Variants in UNC45B observed in about 807,000 individuals in gnomAD.
The protein encoded by UNC45B is protein unc-45 homolog B.
Under a neutral mutation model 98.7 loss-of-function variants are expected in UNC45B, and 78 were observed. That is an observed-to-expected ratio of 0.79 (90% CI 0.66 to 0.95). The LOEUF (loss-of-function observed/expected upper bound fraction) is 0.95, where lower values mean the gene tolerates loss of function less well. Ranked by LOEUF, UNC45B falls within the 40% of genes least tolerant of loss-of-function variation. The pLI is 0.00. For missense variants in UNC45B, 1,225 were observed against 1,184.9 expected (o/e 1.03, Z -0.50); for synonymous variants, 462 against 480.4 (o/e 0.96, Z 0.50).
chr17:35,176,980 G>A (rs1181066854), intron 15 of UNC45B, 37 bp from the exon 16 acceptor site: 6 of 1,552,520 alleles, frequency 3.9e-6, no homozygotes, highest in East Asian at 4.5e-5. Context: ...GCCTCTGGAT[G>A]TCTGTGACTA....
At chr17:35,176,105 C>A in intron 15 of UNC45B, 71 bp downstream of exon 15, 1 of 1,488,332 alleles carries the variant, frequency 6.7e-7, no homozygotes, top group South Asian at 1.1e-5. Context: ...AATTATGTAC[C>A]CTCTGCCCCA....
At chr17:35,173,370 C>T (rs776268904) in intron 13 of UNC45B, among the ~76,000 whole-genome samples, 7 of 152,210 alleles carry the variant, frequency 4.6e-5, no homozygotes, top group South Asian at 2.1e-4. Context: ...AAGTGGTCCA[C>T]CCACCTCAGC....
intron 10 of UNC45B, 68 bp from the exon 11 acceptor site, chr17:35,169,769 C>A: frequency 7.0e-7 from 1 of 1,423,110 alleles, no homozygotes; most frequent in Non-Finnish European, 9.9e-7. Context: ...CCTGTTTGAG[C>A]AAGGCTTCAT....
chr17:35,179,961 G>A (rs573169728), intron 17 of UNC45B, among the ~76,000 whole-genome samples: 1 of 152,252 alleles, frequency 6.6e-6, no homozygotes, highest in South Asian at 2.1e-4. Flanking sequence ...TTTGGAAGCA[G>A]GAGTATGTCA....
At chr17:35,179,749 TG>T (rs2092260783) in intron 17 of UNC45B, among the ~76,000 whole-genome samples, 1 of 142,804 alleles carries the variant, frequency 7.0e-6, no homozygotes, top group African/African-American at 2.6e-5. Context: ...CGGGGCCTGT[TG>T]GGGGTGGGGA....
rs530092827 is a variant in UNC45B, at chr17:35,180,731, G to A, written c.2373+55G>A. 62 of 1,431,204 alleles carry A rather than the reference G, an allele frequency of 4.3e-5. No individual in the cohort carries two copies. The East Asian group carries it at 1.0e-3, about 23-fold the overall frequency. 88.7% of individuals were successfully genotyped at this position (1,431,204 alleles called of 1,614,324 possible). ...GGCGTGATCAAGGCACGAGAGGCAGGCCAGGGTCAGGGCCTGGGGTGAGAT... is the reference window on the plus strand; with the variant it reads ...GGCGTGATCAAGGCACGAGAGGCAGACCAGGGTCAGGGCCTGGGGTGAGAT... On this transcript the variant is annotated intron_variant, in intron 18 of 19. Coordinates refer to ENST00000394570, the MANE Select transcript of UNC45B (RefSeq NM_001267052.2).
rs7219523 is a variant in UNC45B at position 35,171,788 on chromosome 17, C to T, written c.1830+326C>T. 6.5e-3 allele frequency among the ~76,000 whole-genome samples: 997 copies of T among 152,238 alleles called. 11 individuals are homozygous for T. The highest frequency in any genetic ancestry group is 0.023 in the African/African-American group (959 of 41,552). ...TTTATTTCATGTCTCCAACAGATAA[C>T]AATTTGATTTTCTCAGATTTCTGGA... On this transcript the variant is annotated intron_variant, in intron 13 of 19. Coordinates refer to ENST00000394570, the MANE Select transcript of UNC45B (RefSeq NM_001267052.2).
At chr17:35,149,746 C>T (rs1252933972) in intron 3 of UNC45B, among the ~76,000 whole-genome samples, 1 of 152,170 alleles carries the variant, frequency 6.6e-6, no homozygotes, top group Non-Finnish European at 1.5e-5. Flanking sequence ...AGGGAGCTCC[C>T]CACTGCTGGA....
intron 7 of UNC45B, among the ~76,000 whole-genome samples, chr17:35,157,484 G>T (rs902855608): frequency 4.6e-5 from 7 of 152,122 alleles, no homozygotes; most frequent in African/African-American, 1.2e-4. Context: ...TTACAGGTGT[G>T]AGCCACCATA....
intron 8 of UNC45B, 50 bp downstream of exon 8, chr17:35,159,595 C>G: frequency 6.3e-7 from 1 of 1,581,052 alleles, no homozygotes; most frequent in Non-Finnish European, 8.6e-7. Flanking sequence ...TAAGTGGGCA[C>G]CAGGGCACTG....
Position 35,155,323 on chromosome 17 carries a change from A to T in UNC45B, c.667A>T (p.Ile223Leu). ...RATVILHAVRIDRICSLMAVE... is the reference protein window; with the variant it reads ...RATVILHAVRLDRICSLMAVE... ...CACAGTGATTCTGCATGCAGTGCGG[A>T]TAGACCGAATCTGTAGCCTCATGGC... The change falls in exon 7 of 20, where the codon ATA becomes TTA. Residue 223 changes from isoleucine to leucine, a missense_variant. Transcript: ENST00000394570. The T allele has an allele frequency of 6.2e-7, 1 of 1,614,144 alleles. No individual in the cohort carries two copies. Among genetic ancestry groups the T allele is most frequent in the South Asian group, 1.1e-5 (1 of 91,072 alleles).
intron 10 of UNC45B, 130 bp from the exon 11 acceptor site, chr17:35,169,707 C>T (rs1020295006): frequency 5.4e-6 from 4 of 744,012 alleles, no homozygotes; most frequent in Non-Finnish European, 7.0e-6. Flanking sequence ...ACAGTCTGCA[C>T]AGAGGTGGAT....
intron 4 of UNC45B, among the ~76,000 whole-genome samples, chr17:35,152,410 G>A (rs966691374): frequency 6.6e-6 from 1 of 152,158 alleles, no homozygotes; most frequent in Non-Finnish European, 1.5e-5. Context: ...TTGGAGTGGG[G>A]ACTGTGAGGG....
At chr17:35,168,797 C>T (rs1343542105) in intron 10 of UNC45B, among the ~76,000 whole-genome samples, 2 of 152,136 alleles carry the variant, frequency 1.3e-5, no homozygotes. Context: ...ACCTCCGCCT[C>T]CCAGGTTCAG....
intron 8 of UNC45B, among the ~76,000 whole-genome samples, chr17:35,161,686 A>G (rs1455483122): frequency 6.6e-6 from 1 of 152,170 alleles, no homozygotes; most frequent in African/African-American, 2.4e-5. Flanking sequence ...AGTGATAAGT[A>G]TCTTTTTGTA....
In UNC45B at chr17:35,154,656, T is replaced by C. The variant is rs941020747; in HGVS notation, c.554T>C (p.Leu185Pro). The change falls in exon 6 of 20, where the codon CTG becomes CCG. Residue 185 changes from leucine to proline, a missense_variant. Physicochemically the swap from Leu to Pro is moderately conservative, Grantham distance 98 (BLOSUM62 -3). Transcript: ENST00000394570. Reference protein sequence around the residue: ...IFQNNGVALLLQLLDTKKPEL... With the variant: ...IFQNNGVALLPQLLDTKKPEL... ...CAGAACAATGGAGTAGCCTTGCTAC[T>C]GCAGCTTCTGGACACTAAGAAGCCT... The C allele has an allele frequency of 4.3e-6, 7 of 1,613,330 alleles. No individual in the cohort carries two copies. In the African/African-American group the frequency reaches 8.0e-5, roughly 18 times the overall value.
intron 10 of UNC45B, among the ~76,000 whole-genome samples, chr17:35,169,214 A>G (rs2092164648): frequency 6.6e-6 from 1 of 151,196 alleles, no homozygotes; most frequent in South Asian, 2.1e-4. Flanking sequence ...TAATTTTTGT[A>G]TTTTTAGTAG....
rs140955982 is a variant in UNC45B, at chr17:35,170,220, G to A, written c.1654G>A (p.Val552Ile). The A allele has an allele frequency of 8.1e-6, 13 of 1,612,892 alleles. No homozygotes were observed. Among genetic ancestry groups the A allele is most frequent in the African/African-American group, 2.7e-5 (2 of 74,894 alleles). The change falls in exon 12 of 20, where the codon GTC becomes ATC. Residue 552 changes from valine to isoleucine, a missense_variant. By Grantham distance (29) the Val-to-Ile change is conservative. Coordinates refer to ENST00000394570, the MANE Select transcript of UNC45B (RefSeq NM_001267052.2). ...ADVKDDFVQD[V>I]PALQAMFELA... ...TGTGAAGGACGACTTTGTCCAGGAC[G>A]TCCCTGCCCTGCAGGCCATGTTTGA...
intron 16 of UNC45B, 59 bp downstream of exon 16, chr17:35,177,189 C>A: frequency 6.8e-7 from 1 of 1,471,460 alleles, no homozygotes; most frequent in Non-Finnish European, 9.4e-7. Context: ...CTCCTAGAGG[C>A]CTTTCCCCTT....
Sources: gnomAD v4.1 joint callset for allele counts (sites outside exome capture counted in the v4.1 genomes callset) on GRCh38, gnomAD v4.1.1 for gene constraint, MANE v1.5 for transcripts, NCBI Gene and HGNC (gene_info 2026-07-23, HGNC 2026-07-21) for gene names.